Variants in CFAP299 observed in about 807,000 individuals in gnomAD.
The protein encoded by CFAP299 is cilia and flagella associated protein 299.
In CFAP299, 21 loss-of-function variants were observed where a neutral mutation model predicts 27.0. The ratio of observed to expected loss-of-function variants is 0.78; its 90% CI spans 0.55 to 1.12. CFAP299 has a LOEUF of 1.12. Among genes scored for constraint, CFAP299 ranks in the 50% most tolerant of loss-of-function variants. CFAP299 has a pLI of 0.00. For synonymous variants in CFAP299, 104 were observed against 98.1 expected (o/e 1.06, Z -0.36); for missense variants, 310 against 276.6 (o/e 1.12, Z -0.86).
At chr4:80,455,876 G>A (rs115024043) in intron 2 of CFAP299, among the ~76,000 whole-genome samples, 215 of 152,108 alleles carry the variant, frequency 1.4e-3, no homozygotes, top group African/African-American at 4.8e-3. Flanking sequence ...GAATACAGTA[G>A]TGATCAAAAC....
At chr4:80,518,729 T>C (rs924634899) in intron 2 of CFAP299, among the ~76,000 whole-genome samples, 1 of 152,170 alleles carries the variant, frequency 6.6e-6, no homozygotes, top group Admixed American at 6.5e-5. Context: ...TGTCATGTGC[T>C]GGCTTTGCTT....
intron 4 of CFAP299, chr4:80,871,168 A>G (rs1160295321): frequency 1.0e-6 from 1 of 967,322 alleles, no homozygotes; most frequent in African/African-American, 1.8e-5. Context: ...CAGCCTCCCA[A>G]AGTGCTGGGA....
rs142701869 is a variant in CFAP299, at chr4:80,350,371, A to G, written c.112-12383A>G. The stretch of plus-strand genomic sequence containing the variant: ...AAATCTTAAAAACAAAAGTAAAAGA[A>G]CACATTATAAAGTAAACCAAAAACA... On this transcript the variant is annotated intron_variant, in intron 1 of 5. Transcript: ENST00000358105. 8.8e-3 allele frequency among the ~76,000 whole-genome samples: 1,334 copies of G among 152,278 alleles called. 9 individuals carry two copies. The highest frequency in any genetic ancestry group is 0.019 in the Admixed American group (284 of 15,296).
At chr4:80,717,845 G>A (rs1398090096) in intron 3 of CFAP299, among the ~76,000 whole-genome samples, 1 of 151,996 alleles carries the variant, frequency 6.6e-6, no homozygotes, top group African/African-American at 2.4e-5. Flanking sequence ...AATATTAAAT[G>A]TACAGATGTT....
chr4:80,804,957 T>C (rs1045336925), intron 3 of CFAP299, among the ~76,000 whole-genome samples: 2 of 152,140 alleles, frequency 1.3e-5, no homozygotes, highest in African/African-American at 4.8e-5. Context: ...TTTTTTGCAT[T>C]ACTGTCTTTT....
intron 4 of CFAP299, among the ~76,000 whole-genome samples, chr4:80,891,789 T>TAAAAAAAAAAAAAAAAAAAAAAAAA (rs1355453928): frequency 2.9e-5 from 1 of 35,084 alleles, no homozygotes; most frequent in East Asian, 8.5e-4. Context: ...AAAAAAAAAA[T>TAAAAAAAAAAAAAAAAAAAAAAAAA]AAAAAAAAAA....
chr4:80,539,269 G>T (rs558459763), intron 2 of CFAP299, among the ~76,000 whole-genome samples: 3 of 152,242 alleles, frequency 2.0e-5, no homozygotes, highest in Admixed American at 1.3e-4. Flanking sequence ...AGTGTCAAAC[G>T]TGGAGACAAC....
At chr4:80,594,052 A>C (rs1195016234) in intron 3 of CFAP299, among the ~76,000 whole-genome samples, 1 of 152,204 alleles carries the variant, frequency 6.6e-6, no homozygotes, top group Non-Finnish European at 1.5e-5. Flanking sequence ...TTAAATGCTC[A>C]TTCCTTTTCT....
At chr4:80,802,330 C>T (rs1364577898) in intron 3 of CFAP299, among the ~76,000 whole-genome samples, 4 of 152,010 alleles carry the variant, frequency 2.6e-5, no homozygotes, top group Non-Finnish European at 4.4e-5. Flanking sequence ...ATTGTTTTAG[C>T]AGTGTGTGGG....
intron 3 of CFAP299, among the ~76,000 whole-genome samples, chr4:80,851,075 T>A (rs774865317): frequency 6.6e-6 from 1 of 152,130 alleles, no homozygotes; most frequent in Non-Finnish European, 1.5e-5. Context: ...GTTAGACTGA[T>A]GTAGTAGACA....
At chr4:80,861,888 T>C (rs1732394827) in intron 3 of CFAP299, among the ~76,000 whole-genome samples, 1 of 152,148 alleles carries the variant, frequency 6.6e-6, no homozygotes. Flanking sequence ...GTTTTTTAAT[T>C]CACTCTTTTG....
chr4:80,815,128 C>T lies in CFAP299; in HGVS notation c.334-54865C>T, dbSNP rs138293815. ...ACAAACTAATCCCTAAAATGTAGCA[C>T]AAAAAAGACATGGAGATGGAAAATA... On this transcript the variant is annotated intron_variant, in intron 3 of 5. Transcript: ENST00000358105. 8.0e-4 allele frequency among the ~76,000 whole-genome samples: 121 copies of T among 150,686 alleles called. 1 individual carries two copies. The highest frequency in any genetic ancestry group is 2.9e-3 in the African/African-American group (117 of 41,012).
chr4:80,578,531 T>G (rs1320481031), intron 2 of CFAP299, among the ~76,000 whole-genome samples: 3 of 152,184 alleles, frequency 2.0e-5, no homozygotes, highest in Non-Finnish European at 2.9e-5. Flanking sequence ...AGTCTATGTA[T>G]GCGAGACTTG....
At chr4:80,692,569 T>G (rs2110017914) in intron 3 of CFAP299, among the ~76,000 whole-genome samples, 1 of 152,256 alleles carries the variant, frequency 6.6e-6, no homozygotes, top group South Asian at 2.1e-4. Flanking sequence ...GACTTAAACG[T>G]TAGACCTAAA....
intron 3 of CFAP299, among the ~76,000 whole-genome samples, chr4:80,642,698 AG>A (rs1457870574): frequency 2.0e-5 from 3 of 152,020 alleles, no homozygotes; most frequent in Non-Finnish European, 4.4e-5. Flanking sequence ...CGGGAGGCAA[AG>A]GTTGCAGTGA....
chr4:80,568,419 G>A (rs1735418450), intron 2 of CFAP299, among the ~76,000 whole-genome samples: 1 of 151,932 alleles, frequency 6.6e-6, no homozygotes, highest in South Asian at 2.1e-4. Context: ...CGCAACCAAA[G>A]TTTTGTAAAT....
chr4:80,542,095 T>G (rs1045837403), intron 2 of CFAP299, among the ~76,000 whole-genome samples: 1 of 152,180 alleles, frequency 6.6e-6, no homozygotes, highest in Non-Finnish European at 1.5e-5. Context: ...GGCTTTTTCT[T>G]TTGCCCTTGT....
At chr4:80,332,673 G>C (rs1721983383), upstream of CFAP299, among the ~76,000 whole-genome samples, 1 of 152,020 alleles carries the variant, frequency 6.6e-6, no homozygotes, top group South Asian at 2.1e-4. Context: ...GGAGAGAGGA[G>C]AAAGTGGAAA....
At chr4:80,534,554 C>T (rs936260160) in intron 2 of CFAP299, among the ~76,000 whole-genome samples, 1 of 151,854 alleles carries the variant, frequency 6.6e-6, no homozygotes, top group African/African-American at 2.4e-5. Flanking sequence ...ACTTTTGTTT[C>T]ATTTATGTAC....
Sources: allele counts gnomAD v4.1 joint callset (sites outside exome capture counted in the v4.1 genomes callset), GRCh38; gene constraint gnomAD v4.1.1; transcripts MANE v1.5; gene names NCBI Gene and HGNC (gene_info 2026-07-23, HGNC 2026-07-21).